CTH: variants seen among roughly 807,000 people sequenced by gnomAD.
CTH encodes the protein cystathionase (cystathionine gamma-lyase).
CTH carries 41 observed loss-of-function variants against 50.6 expected under a neutral mutation model. The ratio of observed to expected loss-of-function variants is 0.81; its 90% CI spans 0.63 to 1.05. The LOEUF (loss-of-function observed/expected upper bound fraction) is 1.05, where lower values mean the gene tolerates loss of function less well. CTH is among the 50% of genes least tolerant of loss of function. The pLI is 0.00. For synonymous variants in CTH, 156 were observed against 168.9 expected, an observed-to-expected ratio of 0.92 and a Z score of 0.59; for missense variants, 470 against 492.6, an observed-to-expected ratio of 0.95 and a Z score of 0.43.
intron 1 of CTH, 171 bp downstream of exon 1, chr1:70,411,754 G>A (rs1046466720): frequency 2.9e-5 from 26 of 883,984 alleles, no homozygotes; most frequent in Non-Finnish European, 3.5e-5. Context: ...GGATGGTCCA[G>A]TGATCGTATT....
intron 3 of CTH, among the ~76,000 whole-genome samples, chr1:70,418,335 C>T (rs1487310758): frequency 2.6e-5 from 4 of 152,056 alleles, no homozygotes; most frequent in East Asian, 3.8e-4. Flanking sequence ...CTGCAGTCTC[C>T]GCCTCCTGGG....
rs534645932 is a variant in CTH, at chr1:70,411,284, C to A, written c.-132C>A. On this transcript the variant is annotated 5_prime_UTR_variant, in exon 1 of 12. Coordinates refer to ENST00000370938, the MANE Select transcript of CTH (RefSeq NM_001902.6). ...TCGCTGTGTGCCGCTTTAGTGCGCT[C>A]GCCGTCGGCTCTACCTGCGTGCTTT... 12 of 887,048 alleles carry A rather than the reference C, an allele frequency of 1.4e-5. No homozygotes were observed. Among genetic ancestry groups the A allele is most frequent in the African/African-American group, 8.2e-5 (5 of 61,130 alleles). The allele number at this position is 887,048 out of a possible 1,614,324, so 54.9% of individuals were successfully genotyped here. A position where few individuals can be genotyped will look rare whatever the true frequency, so the allele number is the denominator to read the frequency against.
At chr1:70,430,250 A>G (rs1684434292) in intron 6 of CTH, 67 bp from the exon 7 acceptor site, 1 of 857,792 alleles carries the variant, frequency 1.2e-6, no homozygotes, top group Non-Finnish European at 1.9e-6. Context: ...AAAATTATAA[A>G]ATAAAGAGTA....
chr1:70,430,510 A>C (rs1056152718), intron 7 of CTH, 116 bp downstream of exon 7: 18 of 633,928 alleles, frequency 2.8e-5, no homozygotes, highest in Non-Finnish European at 4.2e-5. Flanking sequence ...AAGAAATGAA[A>C]AATAGAGGAG....
chr1:70,430,531 A>AT (rs1684442208), intron 7 of CTH, 137 bp downstream of exon 7: 13 of 575,236 alleles, frequency 2.3e-5, no homozygotes, highest in Non-Finnish European at 2.4e-5. Context: ...AAAAATTCTG[A>AT]TTTTTTTTAT....
intron 10 of CTH, 70 bp downstream of exon 10, chr1:70,435,247 G>C (rs1684573740): frequency 7.3e-7 from 1 of 1,361,468 alleles, no homozygotes; most frequent in Non-Finnish European, 1.0e-6. Flanking sequence ...AAAGAAATAT[G>C]ATAAGGTCAG....
In CTH at chr1:70,423,703, G is replaced by A. The variant is rs914599016; in HGVS notation, c.457-582G>A. On this transcript the variant is annotated intron_variant, in intron 4 of 11. Coordinates refer to ENST00000370938, the MANE Select transcript of CTH (RefSeq NM_001902.6). ...ATTGTGGTAGGTTTTGAGATATAAA[G>A]GTCATTGTTACTTTTTAAGTAGGCG... Among the ~76,000 whole-genome samples the A allele has an allele frequency of 6.2e-4, 94 of 152,154 alleles. 1 individual carries two copies. Among genetic ancestry groups the A allele is most frequent in the Non-Finnish European group, 7.3e-5 (5 of 68,034 alleles).
chr1:70,412,096 G>A (rs487773), intron 1 of CTH, among the ~76,000 whole-genome samples: 78,531 of 152,040 alleles, frequency 0.52, 21,452 homozygotes, highest in Non-Finnish European at 0.6. Context: ...AGTCTGAACC[G>A]AATTCTCATT....
intron 8 of CTH, 124 bp from the exon 9 acceptor site, chr1:70,433,703 AG>A: frequency 6.9e-7 from 1 of 1,438,912 alleles, no homozygotes; most frequent in Non-Finnish European, 9.5e-7. Context: ...GTCAGATGTG[AG>A]CATGGCATAA....
intron 8 of CTH, among the ~76,000 whole-genome samples, chr1:70,432,682 CTTT>C (rs10607278): frequency 1.1e-3 from 103 of 89,868 alleles, no homozygotes; most frequent in Admixed American, 1.2e-3. Flanking sequence ...CTCTCTCTCT[CTTT>C]TTTTTTTTTT....
At chr1:70,433,675 T>C (rs1399324462) in intron 8 of CTH, among the ~76,000 whole-genome samples, 153 bp from the exon 9 acceptor site, 1 of 152,060 alleles carries the variant, frequency 6.6e-6, no homozygotes, top group Non-Finnish European at 1.5e-5. Flanking sequence ...GCTGGAGAGA[T>C]AGGGGCCCAA....
At chr1:70,421,980 T>C (rs948959624) in intron 4 of CTH, among the ~76,000 whole-genome samples, 9 of 152,206 alleles carry the variant, frequency 5.9e-5, no homozygotes, top group African/African-American at 1.9e-4. Context: ...ACCGGTTTTA[T>C]AGAAACGGGA....
chr1:70,414,995 C>T lies in CTH; in HGVS notation c.169-961C>T, dbSNP rs568576088. Among the ~76,000 whole-genome samples, 7 of 152,148 alleles carry T rather than the reference C, an allele frequency of 4.6e-5. No individual in the cohort carries two copies. The East Asian group carries it at 1.4e-3, about 29-fold the overall frequency. On this transcript the variant is annotated intron_variant, in intron 1 of 11. Coordinates refer to ENST00000370938, the MANE Select transcript of CTH (RefSeq NM_001902.6). The stretch of plus-strand genomic sequence containing the variant: ...AATTTTTAAAAAGTATTGTGTGGAG[C>T]TGTTTTGCCAGGAATTGCTCCCTAT...
In CTH at chr1:70,429,760, T is replaced by C. The variant is rs758722572; in HGVS notation, c.589-34T>C. On this transcript the variant is annotated intron_variant, in intron 5 of 11. Coordinates refer to ENST00000370938, the MANE Select transcript of CTH (RefSeq NM_001902.6). ...GGTAATGAAGCATATTTTCAAATTG[T>C]TTCTCATTTAAAGTAAAAAACTTGT... The C allele has an allele frequency of 6.0e-6, 9 of 1,496,148 alleles. No individual in the cohort carries two copies. The East Asian group carries it at 1.6e-4, about 26-fold the overall frequency. The allele number at this position is 1,496,148 out of a possible 1,614,324, so 92.7% of individuals were successfully genotyped here.
chr1:70,428,903 G>A (rs563740242), intron 5 of CTH, among the ~76,000 whole-genome samples: 19 of 151,908 alleles, frequency 1.3e-4, no homozygotes, highest in East Asian at 3.9e-4. Context: ...ATGAGCCCCC[G>A]CACCCAGCAA....
Position 70,432,304 on chromosome 1 carries a change from T to C in CTH, c.877+69T>C, listed in dbSNP as rs1012673527. 3 of 1,570,006 alleles carry C rather than the reference T, an allele frequency of 1.9e-6. No individual in the cohort carries two copies. The Admixed American group carries it at 5.0e-5, about 26-fold the overall frequency. ...AGTTATCCTGAGCATCGTGTTTATG[T>C]AACATTTATTTGTAAGTTAGGTGCT... On this transcript the variant is annotated intron_variant, in intron 8 of 11. Transcript: ENST00000370938.
chr1:70,434,781 T>A (rs1684558949), intron 9 of CTH: 1 of 158,094 alleles, frequency 6.3e-6, no homozygotes. Flanking sequence ...TAGGCAGAGT[T>A]TCACTCTTTT....
chr1:70,418,022 T>C lies in CTH; in HGVS notation c.336T>C (p.Asp112=). The stretch of plus-strand genomic sequence containing the variant: ...GAGACCAAATTATTTGTATGGATGA[T>C]GTGTATGGAGGTAGGTGACCCCTCT... ...KAGDQIICMD[D]VYGGTNRYFR... is the part of the protein sequence containing the mutation. The change falls in exon 3 of 12, where the codon GAT becomes GAC. Residue 112 remains aspartate (D), a synonymous_variant. Transcript: ENST00000370938. 3 of 1,614,156 alleles carry C rather than the reference T, an allele frequency of 1.9e-6. No individual in the cohort carries two copies. The highest frequency in any genetic ancestry group is 2.5e-6 in the Non-Finnish European group (3 of 1,179,998).
At chr1:70,422,098 A>G (rs1009289087) in intron 4 of CTH, among the ~76,000 whole-genome samples, 1 of 152,234 alleles carries the variant, frequency 6.6e-6, no homozygotes, top group African/African-American at 2.4e-5. Flanking sequence ...TTTTAACTGC[A>G]TAGCCAAAAG....
Sources: allele counts gnomAD v4.1 joint callset (sites outside exome capture counted in the v4.1 genomes callset), GRCh38; gene constraint gnomAD v4.1.1; transcripts MANE v1.5; gene names NCBI Gene and HGNC (gene_info 2026-07-23, HGNC 2026-07-21).